The following PDE4D variants were observed in gnomAD, a reference collection of about 807,000 sequenced individuals.
PDE4D encodes the protein 3',5'-cyclic-AMP phosphodiesterase 4D.
PDE4D carries 24 observed loss-of-function variants against 87.4 expected under a neutral mutation model. The observed-to-expected ratio is 0.27, with a 90% CI of 0.20 to 0.39. The LOEUF is 0.39. PDE4D is among the 10% of genes least tolerant of loss of function. The probability of loss-of-function intolerance (pLI) is 1.00; values close to 1 mark genes in which losing one functional copy is unlikely to be tolerated. For missense variants in PDE4D, 714 were observed against 1,041.0 expected (o/e 0.69, Z 4.32); for synonymous variants, 384 against 383.2 (o/e 1.00, Z -0.02).
At chr5:60,331,348 C>A (rs564668456) in intron 1 of PDE4D, among the ~76,000 whole-genome samples, 1 of 152,186 alleles carries the variant, frequency 6.6e-6, no homozygotes, top group African/African-American at 2.4e-5. Flanking sequence ...ACATATGCAA[C>A]GCACCTAAGA....
At chr5:59,285,807 G>A (rs574228124) in intron 1 of PDE4D, among the ~76,000 whole-genome samples, 2 of 152,258 alleles carry the variant, frequency 1.3e-5, no homozygotes, top group African/African-American at 2.4e-5. Context: ...TGGGGAGGGT[G>A]TTTGTGTCAT....
chr5:60,089,994 C>A (rs1774958546), intron 2 of PDE4D, among the ~76,000 whole-genome samples: 1 of 151,810 alleles, frequency 6.6e-6, no homozygotes, highest in Non-Finnish European at 1.5e-5. Context: ...AACCTGAAAA[C>A]CAGTAATGAG....
chr5:59,931,506 C>T (rs898628302), intron 3 of PDE4D, among the ~76,000 whole-genome samples: 2 of 152,040 alleles, frequency 1.3e-5, no homozygotes, highest in Non-Finnish European at 2.9e-5. Flanking sequence ...CCAAAGTTGG[C>T]ACAAGGTTTC....
chr5:59,592,037 T>A, intron 1 of PDE4D: 2 of 452,916 alleles, frequency 4.4e-6, no homozygotes, highest in Non-Finnish European at 5.8e-6. Flanking sequence ...AATAAAGAGG[T>A]GAGTGTGCCA....
chr5:60,430,535 GT>G (rs367558098), intron 1 of PDE4D, among the ~76,000 whole-genome samples: 6 of 128,140 alleles, frequency 4.7e-5, no homozygotes, highest in Middle Eastern at 4.3e-3. Context: ...TTTGTGTTTT[GT>G]TTTTTTTTGT....
intron 1 of PDE4D, among the ~76,000 whole-genome samples, chr5:59,517,808 C>CA (rs541450599): frequency 1.7e-3 from 257 of 152,140 alleles, no homozygotes; most frequent in Non-Finnish European, 1.4e-3. Flanking sequence ...AATCATACTG[C>CA]AAAAAATGGT....
chr5:59,612,234 T>TA (rs1829099899), intron 1 of PDE4D, among the ~76,000 whole-genome samples: 2 of 65,774 alleles, frequency 3.0e-5, no homozygotes, highest in African/African-American at 1.1e-4. Context: ...TTGACACTGT[T>TA]TTTTTTGTTT....
intron 1 of PDE4D, among the ~76,000 whole-genome samples, chr5:59,249,884 T>G (rs1449380151): frequency 1.3e-5 from 2 of 152,022 alleles, no homozygotes; most frequent in Non-Finnish European, 1.5e-5. Context: ...TGTTTAAGAG[T>G]CTTGTTCCAT....
chr5:60,153,413 C>T (rs1220249197), intron 2 of PDE4D, among the ~76,000 whole-genome samples: 5 of 152,148 alleles, frequency 3.3e-5, no homozygotes, highest in African/African-American at 1.2e-4. Flanking sequence ...CACTTGTACA[C>T]TGTTGGTGGA....
At chr5:59,529,612 C>T (rs1021679319) in intron 1 of PDE4D, among the ~76,000 whole-genome samples, 1 of 152,186 alleles carries the variant, frequency 6.6e-6, no homozygotes, top group Non-Finnish European at 1.5e-5. Flanking sequence ...AAGTTTGTTT[C>T]CTTCCCAATT....
chr5:60,063,578 A>G (rs2152890143), intron 2 of PDE4D, among the ~76,000 whole-genome samples: 1 of 152,224 alleles, frequency 6.6e-6, no homozygotes, highest in East Asian at 1.9e-4. Flanking sequence ...AGAGATGGAG[A>G]TTGAGAATGA....
At chr5:60,352,947 G>A (rs1759323912) in intron 1 of PDE4D, among the ~76,000 whole-genome samples, 1 of 152,200 alleles carries the variant, frequency 6.6e-6, no homozygotes. Context: ...TAGGAAGCAT[G>A]TGTTCCAATG....
intron 3 of PDE4D, among the ~76,000 whole-genome samples, chr5:59,908,893 A>AT (rs1398069663): frequency 1.3e-5 from 2 of 152,162 alleles, no homozygotes; most frequent in Admixed American, 6.5e-5. Flanking sequence ...TGGTAGCTTA[A>AT]TTTTTTATGA....
intron 5 of PDE4D, among the ~76,000 whole-genome samples, chr5:59,047,045 T>C (rs1561384107): frequency 1.3e-5 from 2 of 152,202 alleles, no homozygotes; most frequent in Non-Finnish European, 2.9e-5. Flanking sequence ...TGTAAGTTAT[T>C]TTAGTTCAAG....
intron 1 of PDE4D, among the ~76,000 whole-genome samples, chr5:59,500,558 G>A (rs1808121344): frequency 6.6e-6 from 1 of 152,064 alleles, no homozygotes; most frequent in Non-Finnish European, 1.5e-5. Flanking sequence ...AACACTGGAG[G>A]CAACACGGAC....
intron 5 of PDE4D, among the ~76,000 whole-genome samples, chr5:59,117,741 G>C (rs1773839832): frequency 6.6e-6 from 1 of 151,938 alleles, no homozygotes; most frequent in South Asian, 2.1e-4. Context: ...GTGGTAGCTT[G>C]GAACCAGCCA....
intron 2 of PDE4D, among the ~76,000 whole-genome samples, chr5:60,056,811 C>T (rs148159315): frequency 1.3e-5 from 2 of 152,070 alleles, no homozygotes; most frequent in African/African-American, 4.8e-5. Context: ...AAAGCCAGCA[C>T]GTGCACAAGT....
intron 1 of PDE4D, among the ~76,000 whole-genome samples, chr5:59,770,581 T>C (rs1026225410): frequency 1.3e-5 from 2 of 152,180 alleles, no homozygotes; most frequent in Non-Finnish European, 2.9e-5. Flanking sequence ...TTTTTAGTTT[T>C]GTGCAAAACA....
At position 60,157,750 on chromosome 5, in the gene PDE4D, G is replaced by C. The variant is rs143769664; in HGVS notation, c.42+27807C>G. Reference sequence around the variant, plus strand: ...AGATAGTGCAATGATTTCAACTAATGGTGGTACGAACCTACATCACTGCTC... The same window carrying C: ...AGATAGTGCAATGATTTCAACTAATCGTGGTACGAACCTACATCACTGCTC... On this transcript the variant is annotated intron_variant, in intron 2 of 16. Transcript: ENST00000502484. Among the ~76,000 whole-genome samples, 582 of 152,172 alleles carry C rather than the reference G, an allele frequency of 3.8e-3. 11 individuals carry two copies. The highest frequency in any genetic ancestry group is 9.6e-4 in the Non-Finnish European group (65 of 67,970).
Sources: allele counts gnomAD v4.1 joint callset (sites outside exome capture counted in the v4.1 genomes callset), GRCh38; gene constraint gnomAD v4.1.1; transcripts MANE v1.5; gene names NCBI Gene and HGNC (gene_info 2026-07-23, HGNC 2026-07-21).